EIF4G1: variants seen among roughly 807,000 people sequenced by gnomAD.
EIF4G1 encodes the protein eukaryotic translation initiation factor 4 gamma 1, also known as EIF4-gamma.
A neutral mutation model predicts 187.8 loss-of-function variants in EIF4G1; 4 were observed. The observed-to-expected ratio is 0.02, with a 90% CI of 0.01 to 0.05. EIF4G1 has a LOEUF of 0.05. EIF4G1 is among the 10% of genes least tolerant of loss of function. The pLI is 1.00. For synonymous variants in EIF4G1, 844 were observed against 781.4 expected, an observed-to-expected ratio of 1.08 and a Z score of -1.34; for missense variants, 1,647 against 2,081.1, an observed-to-expected ratio of 0.79 and a Z score of 4.06.
rs112441721 is a variant in EIF4G1 at position 184,331,285 on chromosome 3, C to T, written c.4181C>T (p.Thr1394Met). Residue 1394 changes from threonine (T) to methionine (M), a missense_variant, in exon 29 of 33, where the codon ACG becomes ATG. Physicochemically the swap from Thr to Met is moderately conservative, Grantham distance 81. Transcript: ENST00000346169. Reference sequence around the variant, plus strand: ...TTCCAGGGTCCTAAAAAGGTGGGGACGCTGTGGCGAGAAGCCGGGCTTAGC... The same window carrying T: ...TTCCAGGGTCCTAAAAAGGTGGGGATGCTGTGGCGAGAAGCCGGGCTTAGC... ...CKSMGPKKVG[T>M]LWREAGLSWK... 2.5e-5 allele frequency: 40 copies of T among 1,613,990 alleles called. No homozygotes were observed. Among genetic ancestry groups the T allele is most frequent in the African/African-American group, 1.5e-4 (11 of 74,894 alleles).
intron 3 of EIF4G1, 76 bp downstream of exon 3, chr3:184,315,932 C>G (rs767040605): frequency 1.1e-4 from 171 of 1,512,436 alleles, no homozygotes; most frequent in Non-Finnish European, 2.6e-5. Context: ...TTCCTACCCC[C>G]ATCTGTGTCA....
At chr3:184,327,124 G>T in intron 23 of EIF4G1, 92 bp from the exon 24 acceptor site, 1 of 1,578,852 alleles carries the variant, frequency 6.3e-7, no homozygotes, top group South Asian at 1.1e-5. Context: ...ATTATGCTAA[G>T]AACAAGGCCC....
Position 184,334,584 on chromosome 3 carries a change from G to A in EIF4G1, c.4619-143G>A. 1.1e-6 allele frequency: 1 copy of A among 902,002 alleles called. No individual in the cohort carries two copies. Among genetic ancestry groups the A allele is most frequent in the Non-Finnish European group, 1.8e-6 (1 of 560,486 alleles). 55.9% of individuals were successfully genotyped at this position (902,002 alleles called of 1,614,324 possible). A position where few individuals can be genotyped will look rare whatever the true frequency, so the allele number is the denominator to read the frequency against. Reference sequence around the variant, plus strand: ...ATCATGAGATTAGCATCCTGTCAGAGGCCTAGTCACTCTGGAATGGCCACA... The same window carrying A: ...ATCATGAGATTAGCATCCTGTCAGAAGCCTAGTCACTCTGGAATGGCCACA... On this transcript the variant is annotated intron_variant, in intron 32 of 32. Coordinates refer to ENST00000346169, the MANE Select transcript of EIF4G1 (RefSeq NM_198241.3). The surrounding 1 kb of genome is among the most constrained non-coding windows in gnomAD (Gnocchi z 5.8).
intron 2 of EIF4G1, 26 bp from the exon 3 acceptor site, chr3:184,315,737 T>C: frequency 6.5e-7 from 1 of 1,533,816 alleles, no homozygotes; most frequent in Non-Finnish European, 8.8e-7. Context: ...CCCTTCCTCT[T>C]CCTGAGCGCC....
rs1724445251 is a variant in EIF4G1 at position 184,324,360 on chromosome 3, C to T, written c.2619+13C>T. On this transcript the variant is annotated intron_variant, in intron 17 of 32. Transcript: ENST00000346169. ...TGAAGCTGCTACGGTGAGAGAAAACCCACTATCGATTCCACTCACCACTTA... is the reference window on the plus strand; with the variant it reads ...TGAAGCTGCTACGGTGAGAGAAAACTCACTATCGATTCCACTCACCACTTA... 4 of 1,614,122 alleles carry T rather than the reference C, an allele frequency of 2.5e-6. No individual in the cohort carries two copies. Among genetic ancestry groups the T allele is most frequent in the Non-Finnish European group, 3.4e-6 (4 of 1,180,026 alleles).
Position 184,323,987 on chromosome 3 carries a change from C to T in EIF4G1, c.2472+10C>T, listed in dbSNP as rs779321768. On this transcript the variant is annotated intron_variant, in intron 16 of 32. Transcript: ENST00000346169. The surrounding 1 kb of genome is among the most constrained non-coding windows in gnomAD (Gnocchi z 6.9). ...CCGCTGCCTCATGGCGGTTAGTTTC[C>T]AGTGGGTTCTAAATCTAATGGTCTG... The T allele has an allele frequency of 1.9e-6, 3 of 1,613,468 alleles. No individual in the cohort carries two copies. Among genetic ancestry groups the T allele is most frequent in the Non-Finnish European group, 2.5e-6 (3 of 1,180,036 alleles).
At chr3:184,319,426 GGTGTGTGTGTGTGTGTGTGTGTGTGT>G (rs1168140244) in intron 6 of EIF4G1, among the ~76,000 whole-genome samples, 1 of 112,876 alleles carries the variant, frequency 8.9e-6, no homozygotes, top group Non-Finnish European at 1.8e-5. Flanking sequence ...GCCTACGAGG[GGTGTGTGTGTGTGTGTGTGTGTGTGT>G]GTGTGTGTGT....
intron 32 of EIF4G1, among the ~76,000 whole-genome samples, chr3:184,333,848 G>C (rs1726595997): frequency 6.6e-6 from 1 of 152,168 alleles, no homozygotes; most frequent in Admixed American, 6.5e-5. Context: ...CGATTGGATG[G>C]GGTCCCTGGG....
Position 184,323,719 on chromosome 3 carries a change from T to G in EIF4G1, c.2275-61T>G, listed in dbSNP as rs770077555. On this transcript the variant is annotated intron_variant, in intron 15 of 32. Coordinates refer to ENST00000346169, the MANE Select transcript of EIF4G1 (RefSeq NM_198241.3). The surrounding 1 kb of genome is among the most constrained non-coding windows in gnomAD (Gnocchi z 6.9). ...TGCCTAAGTCCCCACCACCCTCTCC[T>G]GTCCCTCCCAACAGCCTGTTCTGAG... 8.6e-5 allele frequency: 138 copies of G among 1,611,250 alleles called. 1 individual carries two copies. The highest frequency in any genetic ancestry group is 1.1e-4 in the Non-Finnish European group (134 of 1,179,050).
rs1881974 is a variant in EIF4G1, at chr3:184,331,183, A to G, written c.4162-83A>G. On this transcript the variant is annotated intron_variant, in intron 28 of 32. Transcript: ENST00000346169. ...AGTACCTAGTAGGCTTTCAGTAAAT[A>G]TTTGTTGGATTAATGTGGTAGAGCT... The G allele has an allele frequency of 2.3e-3, 3,322 of 1,423,018 alleles. 63 individuals are homozygous for G. In the African/African-American group the frequency reaches 0.041, roughly 18 times the overall value. 88.1% of individuals were successfully genotyped at this position (1,423,018 alleles called of 1,614,324 possible). A position where few individuals can be genotyped will look rare whatever the true frequency, so the allele number is the denominator to read the frequency against.
chr3:184,334,717 C>T lies in EIF4G1; in HGVS notation c.4619-10C>T, dbSNP rs1445170808. 1 of 1,614,190 alleles carries T rather than the reference C, an allele frequency of 6.2e-7. No individual in the cohort carries two copies. Among genetic ancestry groups the T allele is most frequent in the Admixed American group, 1.7e-5 (1 of 60,026 alleles). On this transcript the variant is annotated splice_polypyrimidine_tract_variant and intron_variant, in intron 32 of 32. Transcript: ENST00000346169. The surrounding 1 kb of genome is among the most constrained non-coding windows in gnomAD (Gnocchi z 5.8). ...CAGTCACCTCTAACTGCTGTCCCGC[C>T]TGCTTGCAGACCTGCTGCGGATGTT...
At position 184,317,354 on chromosome 3, in the gene EIF4G1, AGTGCAGCCTCCC is replaced by A. The variant is rs1722982848; in HGVS notation, c.183_194del (p.Ser61_Ser64del). 6.2e-7 allele frequency: 1 copy of A among 1,614,006 alleles called. No individual in the cohort carries two copies. The highest frequency in any genetic ancestry group is 8.5e-7 in the Non-Finnish European group (1 of 1,180,034). ...CCCTAGCCGGGCCCAGCCCCCGAGC[AGTGCAGCCTCCC>A]GAGTGCAGAGTGCAGCCCCTGCCCG... On this transcript the variant is annotated inframe_deletion, in exon 5 of 33. Transcript: ENST00000346169.
Position 184,315,517 on chromosome 3 carries a change from G to T in EIF4G1, c.-63G>T. ...CTCGGATGCCCAGAACCTGTAGGCC[G>T]CACCGTGGACTTGTTCTTAATCGAG... On this transcript the variant is annotated 5_prime_UTR_variant, in exon 2 of 33. Coordinates refer to ENST00000346169, the MANE Select transcript of EIF4G1 (RefSeq NM_198241.3). 1.4e-6 allele frequency: 1 copy of T among 705,266 alleles called. No individual in the cohort carries two copies. Among genetic ancestry groups the T allele is most frequent in the Non-Finnish European group, 2.6e-6 (1 of 379,078 alleles). The allele number at this position is 705,266 out of a possible 1,614,324, so 43.7% of individuals were successfully genotyped here. A position where few individuals can be genotyped will look rare whatever the true frequency, so the allele number is the denominator to read the frequency against.
At chr3:184,317,272 T>C in intron 4 of EIF4G1, 49 bp from the exon 5 acceptor site, 5 of 1,607,472 alleles carry the variant, frequency 3.1e-6, no homozygotes, top group Non-Finnish European at 4.3e-6. Context: ...CAATTTTTTG[T>C]CCACTTCCTT....
In EIF4G1 at chr3:184,334,589, A is replaced by T; in HGVS notation, c.4619-138A>T. ...GAGATTAGCATCCTGTCAGAGGCCT[A>T]GTCACTCTGGAATGGCCACAAATGT... On this transcript the variant is annotated intron_variant, in intron 32 of 32. Coordinates refer to ENST00000346169, the MANE Select transcript of EIF4G1 (RefSeq NM_198241.3). The surrounding 1 kb of genome is among the most constrained non-coding windows in gnomAD (Gnocchi z 5.8). The T allele has an allele frequency of 1.1e-6, 1 of 939,320 alleles. No individual in the cohort carries two copies. The highest frequency in any genetic ancestry group is 1.7e-6 in the Non-Finnish European group (1 of 592,410). 58.2% of individuals were successfully genotyped at this position (939,320 alleles called of 1,614,324 possible).
Position 184,325,698 on chromosome 3 carries a change from C to T in EIF4G1, c.3121+59C>T, listed in dbSNP as rs545960533. On this transcript the variant is annotated intron_variant, in intron 20 of 32. Coordinates refer to ENST00000346169, the MANE Select transcript of EIF4G1 (RefSeq NM_198241.3). The surrounding 1 kb of genome is among the most constrained non-coding windows in gnomAD (Gnocchi z 5.2). ...TGAAGGGACCGGGAGGTTATACTTTCCTCTGATGACTTCCTGTTAGTGCCA... is the reference window on the plus strand; with the variant it reads ...TGAAGGGACCGGGAGGTTATACTTTTCTCTGATGACTTCCTGTTAGTGCCA... 9 of 1,613,466 alleles carry T rather than the reference C, an allele frequency of 5.6e-6. No individual in the cohort carries two copies. The highest frequency in any genetic ancestry group is 7.6e-6 in the Non-Finnish European group (9 of 1,179,636).
chr3:184,322,079 T>G lies in EIF4G1; in HGVS notation c.1495T>G (p.Leu499Val). ...TPIPANLSQN[L>V]EAAAATQVAV... The stretch of plus-strand genomic sequence containing the variant: ...TATTCCAGCCAACTTGTCTCAGAAT[T>G]TGGAGGCAGCAGCAGCCACTCAAGG... Residue 499 changes from leucine to valine, a missense_variant, in exon 10 of 33, where the codon TTG (leucine) becomes GTG (valine). This residue lies in a region of EIF4G1 where 522 missense variants were observed against 485.2 expected (regional missense o/e 1.08). Coordinates refer to ENST00000346169, the MANE Select transcript of EIF4G1 (RefSeq NM_198241.3). 6.2e-7 allele frequency: 1 copy of G among 1,613,890 alleles called. No individual in the cohort carries two copies. The highest frequency in any genetic ancestry group is 8.5e-7 in the Non-Finnish European group (1 of 1,180,006).
chr3:184,323,938 C>T lies in EIF4G1; in HGVS notation c.2433C>T (p.Phe811=), dbSNP rs1474293525. The T allele has an allele frequency of 1.2e-6, 2 of 1,614,128 alleles. No homozygotes were observed. Among genetic ancestry groups the T allele is most frequent in the South Asian group, 2.2e-5 (2 of 91,074 alleles). ...IFEKAISEPN[F]SVAYANMCRC... ...AGAAGGCCATTTCAGAGCCCAACTT[C>T]TCTGTGGCCTATGCCAACATGTGCC... Residue 811 remains phenylalanine, a synonymous_variant, in exon 16 of 33, where the codon TTC becomes TTT. Coordinates refer to ENST00000346169, the MANE Select transcript of EIF4G1 (RefSeq NM_198241.3). The surrounding 1 kb of genome is among the most constrained non-coding windows in gnomAD (Gnocchi z 6.9).
At chr3:184,322,331 T>C (rs771486577) in intron 10 of EIF4G1, 31 bp from the exon 11 acceptor site, 17 of 1,600,376 alleles carry the variant, frequency 1.1e-5, no homozygotes, top group East Asian at 2.3e-5. Context: ...TTGGCAAAGA[T>C]CCATGCTTTT....
Sources: gnomAD v4.1 joint callset for allele counts (sites outside exome capture counted in the v4.1 genomes callset) on GRCh38, gnomAD v4.1.1 for gene constraint, gnomAD v4.1.1 regional missense constraint, Gnocchi (gnomAD v3.1) non-coding constraint, MANE v1.5 for transcripts, NCBI Gene and HGNC (gene_info 2026-07-23, HGNC 2026-07-21) for gene names.